The following MCRIP2 variants were observed in gnomAD, a reference collection of about 807,000 sequenced individuals.
MCRIP2 encodes MAPK regulated corepressor interacting protein 2.
In MCRIP2, 21 loss-of-function variants were observed where a neutral mutation model predicts 23.2. The ratio of observed to expected loss-of-function variants is 0.90; its 90% CI spans 0.64 to 1.30. The LOEUF (loss-of-function observed/expected upper bound fraction) is 1.30, where lower values mean the gene tolerates loss of function less well. MCRIP2 is among the 50% of genes most tolerant of loss of function. The probability of loss-of-function intolerance (pLI) is 0.00; values close to 1 mark genes in which losing one functional copy is unlikely to be tolerated. For missense variants in MCRIP2, 234 were observed against 223.2 expected, an observed-to-expected ratio of 1.05 and a Z score of -0.31; for synonymous variants, 121 against 100.2, an observed-to-expected ratio of 1.21 and a Z score of -1.24.
At position 642,109 on chromosome 16, in the gene MCRIP2, G is replaced by A. The variant is rs1034555264; in HGVS notation, c.53-11G>A. 1.5e-6 allele frequency: 2 copies of A among 1,337,614 alleles called. No individual in the cohort carries two copies. The highest frequency in any genetic ancestry group is 1.9e-6 in the Non-Finnish European group (2 of 1,046,284). 82.9% of individuals were successfully genotyped at this position (1,337,614 alleles called of 1,614,324 possible). ...GCGCGGCGGCGGCTGACCGCCCCCC[G>A]GTGCCCGCAGGTCCCACGCAGCAGC... On this transcript the variant is annotated splice_polypyrimidine_tract_variant and intron_variant, in intron 1 of 4. Coordinates refer to ENST00000307650, the MANE Select transcript of MCRIP2 (RefSeq NM_138418.4).
chr16:647,582 G>A, intron 3 of MCRIP2, 38 bp downstream of exon 3: 1 of 1,606,910 alleles, frequency 6.2e-7, no homozygotes, highest in Non-Finnish European at 8.5e-7. Context: ...ATAGGCTGCT[G>A]GGTCGCAAAA....
Position 641,937 on chromosome 16 carries a change from C to G in MCRIP2, c.-55C>G, listed in dbSNP as rs1008848973. Reference sequence around the variant, plus strand: ...CCCGCAGTCCGTTAAGTGCGAGCCCCGGCGCAGGGGCCGGATCTGGCCGGG... The same window carrying G: ...CCCGCAGTCCGTTAAGTGCGAGCCCGGGCGCAGGGGCCGGATCTGGCCGGG... On this transcript the variant is annotated 5_prime_UTR_variant, in exon 1 of 5. Coordinates refer to ENST00000307650, the MANE Select transcript of MCRIP2 (RefSeq NM_138418.4). 1.9e-5 allele frequency: 24 copies of G among 1,275,236 alleles called. No individual in the cohort carries two copies. Among genetic ancestry groups the G allele is most frequent in the Non-Finnish European group, 2.3e-5 (23 of 1,011,874 alleles). The allele number at this position is 1,275,236 out of a possible 1,614,324, so 79.0% of individuals were successfully genotyped here.
intron 2 of MCRIP2, among the ~76,000 whole-genome samples, chr16:643,779 G>C (rs566075394): frequency 6.6e-6 from 1 of 152,020 alleles, no homozygotes; most frequent in African/African-American, 2.4e-5. Flanking sequence ...TGATCCACCC[G>C]CCTCAGCCCC....
intron 4 of MCRIP2, 96 bp from the exon 5 acceptor site, chr16:648,024 C>A: frequency 1.5e-6 from 2 of 1,334,350 alleles, no homozygotes; most frequent in Non-Finnish European, 2.1e-6. Flanking sequence ...GCCTGCCGCA[C>A]TCGGAGTCCG....
chr16:642,256 C>G lies in MCRIP2; in HGVS notation c.182+7C>G, dbSNP rs1194512980. 4 of 1,180,220 alleles carry G rather than the reference C, an allele frequency of 3.4e-6. No homozygotes were observed. The highest frequency in any genetic ancestry group is 7.7e-5 in the East Asian group (2 of 25,910). 73.1% of individuals were successfully genotyped at this position (1,180,220 alleles called of 1,614,324 possible). A position where few individuals can be genotyped will look rare whatever the true frequency, so the allele number is the denominator to read the frequency against. ...GACCCTGGCCCCTGTCGAGGTGAGA[C>G]GCGCGCGGCCCCGGCCCGGCCCGGC... On this transcript the variant is annotated splice_region_variant and intron_variant, in intron 2 of 4. Coordinates refer to ENST00000307650, the MANE Select transcript of MCRIP2 (RefSeq NM_138418.4).
At chr16:643,307 C>G (rs1027657543) in intron 2 of MCRIP2, among the ~76,000 whole-genome samples, 2 of 152,186 alleles carry the variant, frequency 1.3e-5, no homozygotes, top group Admixed American at 1.3e-4. Flanking sequence ...GTAGCCACCA[C>G]CTGGTCCCCA....
intron 2 of MCRIP2, 115 bp from the exon 3 acceptor site, chr16:647,302 C>A (rs1201618441): frequency 6.7e-7 from 1 of 1,485,882 alleles, no homozygotes; most frequent in African/African-American, 1.4e-5. Flanking sequence ...CAGGAAGTGC[C>A]TAGGCTGGCC....
chr16:647,326 G>A, intron 2 of MCRIP2, 91 bp from the exon 3 acceptor site: 1 of 1,560,462 alleles, frequency 6.4e-7, no homozygotes, highest in Non-Finnish European at 8.7e-7. Flanking sequence ...TCTGGGGAAA[G>A]TGGGCTGGCC....
At chr16:642,095 G>T in intron 1 of MCRIP2, 25 bp from the exon 2 acceptor site, 1 of 1,323,766 alleles carries the variant, frequency 7.6e-7, no homozygotes, top group Non-Finnish European at 9.6e-7. Flanking sequence ...CGCGGCGGCG[G>T]CTGACCGCCC....
At chr16:644,385 A>G (rs2037426566) in intron 2 of MCRIP2, among the ~76,000 whole-genome samples, 1 of 151,822 alleles carries the variant, frequency 6.6e-6, no homozygotes, top group South Asian at 2.1e-4. Context: ...TTGGCCAACC[A>G]CCTTCCCTCT....
At position 648,057 on chromosome 16, in the gene MCRIP2, C is replaced by A; in HGVS notation, c.413-63C>A. The A allele has an allele frequency of 2.0e-6, 3 of 1,502,602 alleles. No homozygotes were observed. In the East Asian group the frequency reaches 6.9e-5, roughly 35 times the overall value. 93.1% of individuals were successfully genotyped at this position (1,502,602 alleles called of 1,614,324 possible). A position where few individuals can be genotyped will look rare whatever the true frequency, so the allele number is the denominator to read the frequency against. On this transcript the variant is annotated intron_variant, in intron 4 of 4. Transcript: ENST00000307650. ...CCGGGTGAGCGGCTTGTGGTTAGCT[C>A]CAGGGGAGACTTGCCGGCTGGCCTG... is the stretch of plus-strand genomic sequence containing the variant.
At chr16:643,540 CTTTTTT>C (rs869168510) in intron 2 of MCRIP2, among the ~76,000 whole-genome samples, 1 of 119,426 alleles carries the variant, frequency 8.4e-6, no homozygotes, top group African/African-American at 3.5e-5. Context: ...GCTGTTGTCT[CTTTTTT>C]TTTTTTTTTT....
At chr16:647,366 C>T in intron 2 of MCRIP2, 51 bp from the exon 3 acceptor site, 1 of 1,603,298 alleles carries the variant, frequency 6.2e-7, no homozygotes, top group Non-Finnish European at 8.5e-7. Flanking sequence ...TGCCAGGCAG[C>T]ACCGCACCTG....
Position 647,774 on chromosome 16 carries a change from C to T in MCRIP2, c.311-9C>T. 6.4e-7 allele frequency: 1 copy of T among 1,556,940 alleles called. No homozygotes were observed. On this transcript the variant is annotated splice_polypyrimidine_tract_variant and intron_variant, in intron 3 of 4. Coordinates refer to ENST00000307650, the MANE Select transcript of MCRIP2 (RefSeq NM_138418.4). The stretch of plus-strand genomic sequence containing the variant: ...GACCTGGCTCAGCCCGACTGCCCTC[C>T]TCCCACAGCCTGGCAGCAGGTGCAA...
In MCRIP2 at chr16:648,405, C is replaced by T. The variant is rs2037564688; in HGVS notation, c.*215C>T. 2 of 578,870 alleles carry T rather than the reference C, an allele frequency of 3.5e-6. No individual in the cohort carries two copies. Among genetic ancestry groups the T allele is most frequent in the Non-Finnish European group, 6.2e-6 (2 of 325,140 alleles). The allele number at this position is 578,870 out of a possible 1,614,324, so 35.9% of individuals were successfully genotyped here. ...CTGACCTCAGCCCTGCTCACTGTGC[C>T]CAGGGACCAGCGACCAGCCCCTGGG... On this transcript the variant is annotated 3_prime_UTR_variant, in exon 5 of 5. Transcript: ENST00000307650.
intron 2 of MCRIP2, 29 bp from the exon 3 acceptor site, chr16:647,388 A>G: frequency 1.2e-6 from 2 of 1,610,786 alleles, no homozygotes; most frequent in Admixed American, 3.3e-5. Flanking sequence ...GATGGGCACC[A>G]ACCATGTCCG....
chr16:642,802 G>C (rs1405910686), intron 2 of MCRIP2: 2 of 152,296 alleles, frequency 1.3e-5, no homozygotes, highest in African/African-American at 4.8e-5. Flanking sequence ...AGGAGCCTCA[G>C]TCCGGCCACT....
intron 2 of MCRIP2, 184 bp downstream of exon 2, chr16:642,433 T>G: frequency 2.3e-6 from 1 of 440,046 alleles, no homozygotes; most frequent in Non-Finnish European, 3.3e-6. Flanking sequence ...GGCCTGCGCC[T>G]CGCACTTCCG....
chr16:648,042 G>A (rs1238129151), intron 4 of MCRIP2, 78 bp from the exon 5 acceptor site: 20 of 1,422,878 alleles, frequency 1.4e-5, no homozygotes, highest in African/African-American at 5.6e-5. Context: ...CCGGGTGAGC[G>A]GCTTGTGGTT....
Sources: gnomAD v4.1 joint callset for allele counts (sites outside exome capture counted in the v4.1 genomes callset) on GRCh38, gnomAD v4.1.1 for gene constraint, MANE v1.5 for transcripts, NCBI Gene and HGNC (gene_info 2026-07-23, HGNC 2026-07-21) for gene names.